Variants in BIRC6 observed in about 807,000 individuals in gnomAD.
BIRC6 encodes baculoviral IAP repeat containing 6.
A neutral mutation model predicts 503.3 loss-of-function variants in BIRC6; 98 were observed. The observed-to-expected ratio is 0.19, with a 90% CI of 0.17 to 0.23. The LOEUF is 0.23. BIRC6 is among the 10% of genes least tolerant of loss of function. BIRC6 has a pLI of 1.00. For missense variants in BIRC6, 5,360 were observed against 5,806.0 expected (o/e 0.92, Z 2.50); for synonymous variants, 2,240 against 2,078.7 (o/e 1.08, Z -2.11).
chr2:32,451,399 A>G (rs1190709268), intron 22 of BIRC6, among the ~76,000 whole-genome samples: 1 of 152,178 alleles, frequency 6.6e-6, no homozygotes, highest in Non-Finnish European at 1.5e-5. Flanking sequence ...AACTATTTTG[A>G]TGATAGTAGA....
chr2:32,401,183 C>G lies in BIRC6; in HGVS notation c.1055C>G (p.Ser352Cys). 1.9e-6 allele frequency: 3 copies of G among 1,613,962 alleles called. No homozygotes were observed. Among genetic ancestry groups the G allele is most frequent in the Non-Finnish European group, 2.5e-6 (3 of 1,179,858 alleles). Residue 352 changes from serine to cysteine, a missense_variant, in exon 7 of 74, where the codon TCC (serine) becomes TGC (cysteine). By Grantham distance (112) the Ser-to-Cys change is moderately radical. Transcript: ENST00000421745. ...CAAAGGTCTGAACACGAAAGACATT[C>G]CCCAAACTGCCCATTTGTGAAAGGT... ...DEPWSEHERH[S>C]PNCPFVKGEH...
rs1196954154 is a variant in BIRC6 at position 32,593,953 on chromosome 2, A to T, written c.13394A>T (p.Asp4465Val). Reference protein sequence around the residue: ...RENVKTGVKPDASDQEPEGLT... With the variant: ...RENVKTGVKPVASDQEPEGLT... The stretch of plus-strand genomic sequence containing the variant: ...AATGTTAAAACAGGAGTAAAACCAG[A>T]TGCGTCTGATCAAGAACCAGAAGGA... Residue 4465 changes from aspartate (D) to valine (V), a missense_variant, in exon 67 of 74, where the codon GAT becomes GTT. Asp to Val is a radical substitution (Grantham distance 152, BLOSUM62 -3). This residue lies in a region of BIRC6 where 477 missense variants were observed against 574.4 expected (regional missense o/e 0.83). Transcript: ENST00000421745. 1 of 1,613,576 alleles carries T rather than the reference A, an allele frequency of 6.2e-7. No individual in the cohort carries two copies. Among genetic ancestry groups the T allele is most frequent in the South Asian group, 1.1e-5 (1 of 91,008 alleles).
intron 23 of BIRC6, among the ~76,000 whole-genome samples, chr2:32,457,876 A>AT (rs1023323021): frequency 5.9e-5 from 9 of 152,060 alleles, no homozygotes; most frequent in African/African-American, 1.7e-4. Context: ...TATCATTGTT[A>AT]TTTTTTCACA....
chr2:32,424,339 G>C (rs1343863200), intron 10 of BIRC6, among the ~76,000 whole-genome samples: 1 of 152,038 alleles, frequency 6.6e-6, no homozygotes, highest in Non-Finnish European at 1.5e-5. Flanking sequence ...TTGGAACTGT[G>C]ACTACTGTAA....
chr2:32,482,635 C>T, intron 39 of BIRC6, 53 bp downstream of exon 39: 1 of 1,587,636 alleles, frequency 6.3e-7, no homozygotes, highest in Non-Finnish European at 8.6e-7. Context: ...ACAAGTCTGT[C>T]ATTTATGTAT....
intron 61 of BIRC6, among the ~76,000 whole-genome samples, chr2:32,536,545 C>G (rs550029205): frequency 6.6e-6 from 1 of 152,248 alleles, no homozygotes; most frequent in South Asian, 2.1e-4. Context: ...TTTCCCAGCA[C>G]CATTTATTAA....
In BIRC6 at chr2:32,545,858, G is replaced by C. The variant is rs761517635; in HGVS notation, c.12808G>C (p.Glu4270Gln). 2 of 1,609,702 alleles carry C rather than the reference G, an allele frequency of 1.2e-6. No homozygotes were observed. Among genetic ancestry groups the C allele is most frequent in the East Asian group, 2.2e-5 (1 of 44,850 alleles). The change falls in exon 63 of 74, where the codon GAG becomes CAG. Residue 4270 changes from glutamate (E) to glutamine (Q), a missense_variant and splice_region_variant. By Grantham distance (29) the Glu-to-Gln change is conservative. Around this residue, in one of 16 missense-constraint regions of BIRC6, gnomAD observed 477 missense variants for 574.4 expected, o/e 0.83. Coordinates refer to ENST00000421745, the MANE Select transcript of BIRC6 (RefSeq NM_016252.4). Reference sequence around the variant, plus strand: ...TCCAAACTCTAGCGTGAATCAAACTGAGGTAGGTTCACTTTTAATTATTTC... The same window carrying C: ...TCCAAACTCTAGCGTGAATCAAACTCAGGTAGGTTCACTTTTAATTATTTC... ...RVPNSSVNQTEPQVSSSHNPT... is the reference protein window; with the variant it reads ...RVPNSSVNQTQPQVSSSHNPT...
chr2:32,469,515 T>A lies in BIRC6; in HGVS notation c.6248T>A (p.Val2083Asp). ...CGGTTACATACTGGTCTTCTTCTTG[T>A]TCAACTGTGTGGTGGTGAAAGGTGG... ...KIRLHTGLLL[V>D]QLCGGERWWG... The change falls in exon 30 of 74, where the codon GTT (valine) becomes GAT (aspartate). Residue 2083 changes from valine (V) to aspartate (D), a missense_variant. Around this residue, in one of 16 missense-constraint regions of BIRC6, gnomAD observed 2,299 missense variants for 2,267.2 expected, o/e 1.01. Transcript: ENST00000421745. 6.2e-7 allele frequency: 1 copy of A among 1,613,944 alleles called. No individual in the cohort carries two copies. Among genetic ancestry groups the A allele is most frequent in the Non-Finnish European group, 8.5e-7 (1 of 1,179,842 alleles).
intron 8 of BIRC6, among the ~76,000 whole-genome samples, chr2:32,405,899 C>A (rs1441576215): frequency 6.6e-6 from 1 of 152,146 alleles, no homozygotes; most frequent in African/African-American, 2.4e-5. Flanking sequence ...TCCTTAGTCA[C>A]ACAGTAGTCT....
chr2:32,417,852 T>C (rs550035571), intron 10 of BIRC6, among the ~76,000 whole-genome samples: 11 of 152,346 alleles, frequency 7.2e-5, no homozygotes, highest in Admixed American at 2.0e-4. Flanking sequence ...CAATCTTGGC[T>C]CACTGCAACT....
At chr2:32,598,137 C>G (rs746911516) in intron 69 of BIRC6, among the ~76,000 whole-genome samples, 169 bp downstream of exon 69, 26 of 150,870 alleles carry the variant, frequency 1.7e-4, no homozygotes, top group South Asian at 1.5e-3. Context: ...CCCCTCCCCC[C>G]CTTTTTTTTT....
intron 1 of BIRC6, among the ~76,000 whole-genome samples, chr2:32,360,351 A>G (rs1034198889): frequency 2.8e-4 from 42 of 152,208 alleles, no homozygotes; most frequent in Non-Finnish European, 1.0e-4. Flanking sequence ...TAAAATGTTT[A>G]TAAATACAGT....
chr2:32,510,497 A>C (rs199876997), intron 52 of BIRC6, 29 bp from the exon 53 acceptor site: 2 of 1,372,500 alleles, frequency 1.5e-6, no homozygotes, highest in South Asian at 1.2e-5. Context: ...TTATTTAGCA[A>C]ACTTTTTCTT....
intron 5 of BIRC6, among the ~76,000 whole-genome samples, chr2:32,394,277 C>T (rs1377816250): frequency 6.6e-6 from 1 of 151,136 alleles, no homozygotes; most frequent in Non-Finnish European, 1.5e-5. Flanking sequence ...TTATTTTAAT[C>T]TTCTAAAATG....
At position 32,364,406 on chromosome 2, in the gene BIRC6, A is replaced by AT. The variant is rs1336168310; in HGVS notation, c.325+6928dup. ...AGGTGTGCGCCACCATGCCTGGCTA[A>AT]TTTTTTTTCTATTTTTAGTAGAGAT... On this transcript the variant is annotated intron_variant, in intron 1 of 73. Coordinates refer to ENST00000421745, the MANE Select transcript of BIRC6 (RefSeq NM_016252.4). Among the ~76,000 whole-genome samples, 4 of 151,766 alleles carry AT rather than the reference A, an allele frequency of 2.6e-5. No individual in the cohort carries two copies. The East Asian group carries it at 7.7e-4, about 29-fold the overall frequency.
intron 65 of BIRC6, chr2:32,565,091 C>T (rs2059441062): frequency 6.6e-6 from 1 of 152,194 alleles, no homozygotes; most frequent in South Asian, 2.1e-4. Flanking sequence ...GAGTATGTAC[C>T]AGTTTCACTG....
chr2:32,489,189 G>A (rs78349743), intron 42 of BIRC6, among the ~76,000 whole-genome samples: 4,966 of 151,962 alleles, frequency 0.033, 119 homozygotes, highest in African/African-American at 0.07. Flanking sequence ...AAGAATTAGC[G>A]TTCAGCTCTA....
intron 54 of BIRC6, among the ~76,000 whole-genome samples, chr2:32,513,692 C>G (rs1387970351): frequency 6.6e-6 from 1 of 152,070 alleles, no homozygotes; most frequent in Non-Finnish European, 1.5e-5. Flanking sequence ...GGGCAGATCA[C>G]GAGGTCAGGA....
At chr2:32,448,679 GGGGAGA>G in intron 21 of BIRC6, 110 bp from the exon 22 acceptor site, 2 of 793,568 alleles carry the variant, frequency 2.5e-6, no homozygotes, top group South Asian at 2.0e-5. Context: ...AGAGGGGAGA[GGGGAGA>G]GGGAGAGCCC....
Sources: allele counts gnomAD v4.1 joint callset (sites outside exome capture counted in the v4.1 genomes callset), GRCh38; gene constraint gnomAD v4.1.1; regional missense constraint gnomAD v4.1.1; transcripts MANE v1.5; gene names NCBI Gene and HGNC (gene_info 2026-07-23, HGNC 2026-07-21).